The following PAN3 variants were observed in gnomAD, a reference collection of about 807,000 sequenced individuals.
PAN3 encodes the protein poly(A) specific ribonuclease subunit PAN3, also known as PAN2-PAN3 deadenylation complex subunit PAN3.
A neutral mutation model predicts 96.2 loss-of-function variants in PAN3; 19 were observed. The observed-to-expected ratio is 0.20, with a 90% CI of 0.14 to 0.29. PAN3 has a LOEUF of 0.29. Among genes scored for constraint, PAN3 ranks in the 10% least tolerant of loss-of-function variants. The pLI is 1.00. For missense variants in PAN3, 882 were observed against 1,108.1 expected (o/e 0.80, Z 2.90); for synonymous variants, 433 against 406.6 (o/e 1.06, Z -0.78).
At chr13:28,216,031 C>G in intron 5 of PAN3, 2 of 550,138 alleles carry the variant, frequency 3.6e-6, no homozygotes, top group Non-Finnish European at 3.2e-6. Context: ...TTAAAACCTT[C>G]AGAAGGAAAG....
chr13:28,261,328 TATTTA>T, intron 8 of PAN3, 68 bp from the exon 9 acceptor site: 1 of 1,039,820 alleles, frequency 9.6e-7, no homozygotes, highest in Non-Finnish European at 1.4e-6. Flanking sequence ...ATACTTAGGT[TATTTA>T]ATTATAATAG....
rs1416103221 is a variant in PAN3, at chr13:28,266,712, T to C, written c.1412-3T>C. Reference sequence around the variant, plus strand: ...CAAGTCATCTTCTTATGAATTACTCTAGCAGTTCCTACAGAGGTTGACAGC... The same window carrying C: ...CAAGTCATCTTCTTATGAATTACTCCAGCAGTTCCTACAGAGGTTGACAGC... On this transcript the variant is annotated splice_region_variant and splice_polypyrimidine_tract_variant and intron_variant, in intron 9 of 18. Transcript: ENST00000380958. The C allele has an allele frequency of 1.3e-6, 2 of 1,563,248 alleles. No homozygotes were observed. Among genetic ancestry groups the C allele is most frequent in the South Asian group, 1.2e-5 (1 of 82,524 alleles).
chr13:28,258,565 A>C (rs1023736719), intron 7 of PAN3, among the ~76,000 whole-genome samples: 3 of 152,204 alleles, frequency 2.0e-5, no homozygotes, highest in African/African-American at 7.2e-5. Flanking sequence ...AGGTTTGAAT[A>C]ACACTTTGTT....
chr13:28,152,923 GA>G (rs912388457), intron 1 of PAN3, among the ~76,000 whole-genome samples: 9 of 152,102 alleles, frequency 5.9e-5, no homozygotes, highest in East Asian at 1.9e-4. Flanking sequence ...GTATGGGGGG[GA>G]AAAGACACTC....
intron 5 of PAN3, chr13:28,215,323 G>T: frequency 1.4e-6 from 1 of 739,126 alleles, no homozygotes; most frequent in Non-Finnish European, 2.5e-6. Context: ...GTGGAGACTG[G>T]TGTTCTCAAA....
At chr13:28,284,016 GC>G (rs1868640704) in intron 17 of PAN3, among the ~76,000 whole-genome samples, 1 of 152,140 alleles carries the variant, frequency 6.6e-6, no homozygotes, top group Admixed American at 6.5e-5. Flanking sequence ...ACTAACTTGT[GC>G]ATACTTAATC....
At chr13:28,215,498 A>C in intron 5 of PAN3, 1 of 677,776 alleles carries the variant, frequency 1.5e-6, no homozygotes, top group Non-Finnish European at 2.7e-6. Context: ...GTTGACAGCA[A>C]AAATGACCCA....
intron 5 of PAN3, among the ~76,000 whole-genome samples, chr13:28,213,399 A>G (rs1271857070): frequency 6.6e-6 from 1 of 152,164 alleles, no homozygotes; most frequent in African/African-American, 2.4e-5. Flanking sequence ...TGGAAATAAT[A>G]CAAATTGTAG....
At chr13:28,232,169 A>T (rs182582583) in intron 6 of PAN3, among the ~76,000 whole-genome samples, 28 of 152,288 alleles carry the variant, frequency 1.8e-4, no homozygotes, top group Admixed American at 3.3e-4. Flanking sequence ...CAGAATTCCT[A>T]ATCCCCCGCA....
intron 5 of PAN3, among the ~76,000 whole-genome samples, chr13:28,198,783 T>C (rs1280242998): frequency 1.3e-5 from 2 of 152,214 alleles, no homozygotes; most frequent in South Asian, 2.1e-4. Context: ...AGAAAAGATA[T>C]AACAAAGGTA....
chr13:28,263,285 T>C (rs1267979880), intron 9 of PAN3, among the ~76,000 whole-genome samples: 3 of 152,100 alleles, frequency 2.0e-5, no homozygotes, highest in African/African-American at 7.2e-5. Context: ...AGTTGGCAAA[T>C]AAGTGGGGGA....
chr13:28,142,629 C>T (rs1870018124), intron 1 of PAN3, among the ~76,000 whole-genome samples: 1 of 151,470 alleles, frequency 6.6e-6, no homozygotes, highest in South Asian at 2.1e-4. Flanking sequence ...CGGTCTCAAA[C>T]TTCTGGGCTC....
rs45615140 is a variant in PAN3, at chr13:28,229,499, T to C, written c.1000+9121T>C. 6.8e-3 allele frequency among the ~76,000 whole-genome samples: 1,041 copies of C among 152,352 alleles called. 9 individuals are homozygous for C. The highest frequency in any genetic ancestry group is 0.024 in the African/African-American group (1,006 of 41,584). ...GTATTGAACCAGAATACACTGACTC[T>C]TTACATATCCAAGTTTGTAGAGGAG... On this transcript the variant is annotated intron_variant, in intron 6 of 18. Coordinates refer to ENST00000380958, the MANE Select transcript of PAN3 (RefSeq NM_175854.8).
chr13:28,287,465 C>T (rs1326200415), intron 17 of PAN3, among the ~76,000 whole-genome samples: 4 of 152,148 alleles, frequency 2.6e-5, no homozygotes, highest in East Asian at 1.9e-4. Flanking sequence ...ATTTGAATAA[C>T]GTCTGTTTCC....
At chr13:28,286,489 T>C (rs1309927911) in intron 17 of PAN3, among the ~76,000 whole-genome samples, 1 of 152,196 alleles carries the variant, frequency 6.6e-6, no homozygotes, top group Non-Finnish European at 1.5e-5. Flanking sequence ...AACTTGCACT[T>C]TTAGTAGTCC....
chr13:28,144,580 A>G (rs759486393), intron 1 of PAN3, among the ~76,000 whole-genome samples: 1 of 152,072 alleles, frequency 6.6e-6, no homozygotes. Context: ...TTGAGTTAAC[A>G]AATAAAGCAC....
At chr13:28,163,571 C>T (rs1012808451) in intron 1 of PAN3, among the ~76,000 whole-genome samples, 3 of 152,134 alleles carry the variant, frequency 2.0e-5, no homozygotes, top group East Asian at 1.9e-4. Context: ...TGCTCATGCT[C>T]ATATAGTATG....
intron 4 of PAN3, among the ~76,000 whole-genome samples, chr13:28,179,816 T>G (rs1875528946): frequency 6.6e-6 from 1 of 152,066 alleles, no homozygotes. Context: ...AAGAGGTTAG[T>G]GGGATGTGTC....
chr13:28,193,397 TA>T (rs1396297849), intron 4 of PAN3, among the ~76,000 whole-genome samples: 2 of 152,130 alleles, frequency 1.3e-5, no homozygotes, highest in Non-Finnish European at 2.9e-5. Flanking sequence ...TGAAGAAACG[TA>T]ATTTAATGAG....
Sources: gnomAD v4.1 joint callset for allele counts (sites outside exome capture counted in the v4.1 genomes callset) on GRCh38, gnomAD v4.1.1 for gene constraint, MANE v1.5 for transcripts, NCBI Gene and HGNC (gene_info 2026-07-23, HGNC 2026-07-21) for gene names.